The following C1orf21 variants were observed in gnomAD, a reference collection of about 807,000 sequenced individuals.
C1orf21 encodes uncharacterized protein C1orf21.
In C1orf21, 3 loss-of-function variants were observed where a neutral mutation model predicts 18.7. The observed-to-expected ratio is 0.16, with a 90% CI of 0.07 to 0.42. The LOEUF (loss-of-function observed/expected upper bound fraction) is 0.42. Ranked by LOEUF, C1orf21 falls within the 10% of genes least tolerant of loss-of-function variation. C1orf21 has a pLI of 0.99. For missense variants in C1orf21, 104 were observed against 143.6 expected, an observed-to-expected ratio of 0.72 and a Z score of 1.41; for synonymous variants, 41 against 46.4, an observed-to-expected ratio of 0.88 and a Z score of 0.47.
chr1:184,430,402 C>A (rs1276887105), intron 1 of C1orf21, among the ~76,000 whole-genome samples: 1 of 152,124 alleles, frequency 6.6e-6, no homozygotes, highest in African/African-American at 2.4e-5. Flanking sequence ...ATTTGTAAGG[C>A]TTTGATTAAT....
intron 1 of C1orf21, among the ~76,000 whole-genome samples, chr1:184,425,498 G>A (rs560135539): frequency 1.3e-5 from 2 of 152,166 alleles, no homozygotes; most frequent in South Asian, 4.2e-4. Flanking sequence ...CTGGGCTCAA[G>A]CAATTTTCCC....
intron 1 of C1orf21, among the ~76,000 whole-genome samples, chr1:184,388,568 C>T (rs1488538417): frequency 3.3e-5 from 5 of 151,990 alleles, no homozygotes; most frequent in Non-Finnish European, 7.3e-5. Flanking sequence ...TAGTCTGACT[C>T]AGATGTTAGG....
At chr1:184,584,497 G>A (rs1659326893) in intron 3 of C1orf21, among the ~76,000 whole-genome samples, 1 of 152,044 alleles carries the variant, frequency 6.6e-6, no homozygotes, top group African/African-American at 2.4e-5. Context: ...CAGCCACCTT[G>A]GAAAACAGTT....
At chr1:184,468,171 T>A (rs16823216) in intron 1 of C1orf21, among the ~76,000 whole-genome samples, 10,313 of 152,248 alleles carry the variant, frequency 0.068, 1,156 homozygotes, top group African/African-American at 0.24. Flanking sequence ...ACCTTGACAG[T>A]TCCAGAAGGA....
At chr1:184,503,484 C>T (rs538122093) in intron 2 of C1orf21, among the ~76,000 whole-genome samples, 24 of 152,188 alleles carry the variant, frequency 1.6e-4, no homozygotes, top group African/African-American at 7.2e-5. Context: ...TTTCCTTGGG[C>T]GCTCTCTGCT....
rs559586470 is a variant in C1orf21, at chr1:184,477,540, A to G, written c.31A>G (p.Thr11Ala). 3.1e-6 allele frequency: 5 copies of G among 1,614,058 alleles called. No homozygotes were observed. In the South Asian group the frequency reaches 4.4e-5, roughly 14 times the overall value. The change falls in exon 2 of 6, where the codon ACT (threonine) becomes GCT (alanine). Residue 11 changes from threonine to alanine, a missense_variant. By Grantham distance (58) the Thr-to-Ala change is moderately conservative. Transcript: ENST00000235307. ...CTGTGCCTCCGCCAAGCATGTTGCC[A>G]CTGTTCAAAATGAAGAGGAAGCCCA... MGCASAKHVATVQNEEEAQKG... is the reference protein window; with the variant it reads MGCASAKHVAAVQNEEEAQKG...
intron 3 of C1orf21, among the ~76,000 whole-genome samples, chr1:184,515,589 G>A (rs1017345164): frequency 6.6e-6 from 1 of 152,128 alleles, no homozygotes; most frequent in Non-Finnish European, 1.5e-5. Context: ...AAGTATTTTG[G>A]CAGATAAAGG....
At chr1:184,455,459 A>G (rs1044549062) in intron 1 of C1orf21, among the ~76,000 whole-genome samples, 1 of 152,146 alleles carries the variant, frequency 6.6e-6, no homozygotes, top group African/African-American at 2.4e-5. Flanking sequence ...GTTGGTCCCT[A>G]GGTTACACTT....
At chr1:184,421,659 G>A (rs369754616) in intron 1 of C1orf21, among the ~76,000 whole-genome samples, 220 of 152,178 alleles carry the variant, frequency 1.4e-3, no homozygotes, top group Non-Finnish European at 2.7e-3. Flanking sequence ...GTGTCTCAAG[G>A]TCTCCTTTTC....
At position 184,403,060 on chromosome 1, in the gene C1orf21, G is replaced by C. The variant is rs184910580; in HGVS notation, c.-125+15692G>C. 1.4e-3 allele frequency among the ~76,000 whole-genome samples: 211 copies of C among 152,272 alleles called. 1 individual carries two copies. Among genetic ancestry groups the C allele is most frequent in the Admixed American group, 0.012 (178 of 15,294 alleles). The stretch of plus-strand genomic sequence containing the variant: ...CAGTTTTGTCTAATAACTTCAGTTT[G>C]CCCTACCAATATTACTGTTTTCTTT... On this transcript the variant is annotated intron_variant, in intron 1 of 5. Coordinates refer to ENST00000235307, the MANE Select transcript of C1orf21 (RefSeq NM_030806.4).
intron 1 of C1orf21, among the ~76,000 whole-genome samples, chr1:184,463,818 G>A (rs535430265): frequency 2.6e-5 from 4 of 152,320 alleles, no homozygotes; most frequent in African/African-American, 9.6e-5. Context: ...ATGACATGTA[G>A]CAACATGGAT....
intron 5 of C1orf21, among the ~76,000 whole-genome samples, chr1:184,615,298 G>A (rs1201174511): frequency 1.3e-5 from 2 of 152,180 alleles, no homozygotes; most frequent in Admixed American, 6.5e-5. Flanking sequence ...GTAGGCAAAG[G>A]TTCCTTGGGG....
chr1:184,552,340 A>G (rs1325531719), intron 3 of C1orf21, among the ~76,000 whole-genome samples: 5 of 152,244 alleles, frequency 3.3e-5, no homozygotes, highest in South Asian at 4.1e-4. Context: ...AGATTTAAGA[A>G]AACAATCAGA....
intron 3 of C1orf21, among the ~76,000 whole-genome samples, chr1:184,588,135 T>C (rs761171606): frequency 5.3e-5 from 8 of 152,218 alleles, no homozygotes; most frequent in Non-Finnish European, 1.0e-4. Context: ...TTTAAAAATA[T>C]ATATCTCTGG....
chr1:184,596,592 A>G (rs1659516704), intron 4 of C1orf21, among the ~76,000 whole-genome samples: 1 of 152,212 alleles, frequency 6.6e-6, no homozygotes, highest in African/African-American at 2.4e-5. Flanking sequence ...AGATCTGGCC[A>G]GGCGCAGTGG....
chr1:184,467,218 A>T (rs976008438), intron 1 of C1orf21, among the ~76,000 whole-genome samples: 2 of 152,186 alleles, frequency 1.3e-5, no homozygotes, highest in Non-Finnish European at 2.9e-5. Context: ...AAATTCATTC[A>T]TTCATTTATT....
intron 3 of C1orf21, among the ~76,000 whole-genome samples, chr1:184,586,285 CTTT>C (rs59964534): frequency 7.8e-6 from 1 of 128,488 alleles, no homozygotes; most frequent in Non-Finnish European, 1.6e-5. Flanking sequence ...CTTTTGTCCA[CTTT>C]TTTTTTTTTT....
chr1:184,436,745 G>T (rs1190223200), intron 1 of C1orf21, among the ~76,000 whole-genome samples: 1 of 152,088 alleles, frequency 6.6e-6, no homozygotes, highest in East Asian at 1.9e-4. Context: ...ACCTACCCGT[G>T]GCAGGTATTG....
intron 3 of C1orf21, among the ~76,000 whole-genome samples, chr1:184,587,770 C>CA (rs1450559836): frequency 6.6e-6 from 1 of 151,674 alleles, no homozygotes; most frequent in Non-Finnish European, 1.5e-5. Context: ...CACACACCAC[C>CA]ATGCCTGGCT....
Sources: gnomAD v4.1 joint callset for allele counts (sites outside exome capture counted in the v4.1 genomes callset) on GRCh38, gnomAD v4.1.1 for gene constraint, MANE v1.5 for transcripts, NCBI Gene and HGNC (gene_info 2026-07-23, HGNC 2026-07-21) for gene names.